ASB15: variants seen among roughly 807,000 people sequenced by gnomAD.
ASB15 encodes the protein ankyrin repeat and SOCS box protein 15.
Under a neutral mutation model 58.0 loss-of-function variants are expected in ASB15, and 54 were observed. That is an observed-to-expected ratio of 0.93 (90% CI 0.75 to 1.17). The LOEUF (loss-of-function observed/expected upper bound fraction) is 1.17, where lower values mean the gene tolerates loss of function less well. ASB15 is among the 50% of genes most tolerant of loss of function. The pLI is 0.00. For synonymous variants in ASB15, 249 were observed against 262.4 expected (o/e 0.95, Z 0.50); for missense variants, 680 against 707.4 (o/e 0.96, Z 0.44).
chr7:123,631,486 G>A (rs1223083019), intron 11 of ASB15, among the ~76,000 whole-genome samples: 1 of 152,102 alleles, frequency 6.6e-6, no homozygotes, highest in Non-Finnish European at 1.5e-5. Context: ...AAAAAGCTAA[G>A]CCTAAGGGAA....
rs185762070 is a variant in ASB15 at position 123,620,687 on chromosome 7, C to T, written c.451+2950C>T. 5.5e-3 allele frequency among the ~76,000 whole-genome samples: 798 copies of T among 144,728 alleles called. 9 individuals carry two copies. Among genetic ancestry groups the T allele is most frequent in the African/African-American group, 0.019 (760 of 39,052 alleles). 94.9% of individuals were successfully genotyped at this position (144,728 alleles called of 152,430 possible). The stretch of plus-strand genomic sequence containing the variant: ...ACACCATTCTCCTGCCTCAGCCTCC[C>T]GAGTAGCTGGGACTACAGGCGCCCA... On this transcript the variant is annotated intron_variant, in intron 7 of 11. Transcript: ENST00000451215.
chr7:123,634,189 C>T (rs937669795), intron 11 of ASB15, among the ~76,000 whole-genome samples: 3 of 152,158 alleles, frequency 2.0e-5, no homozygotes, highest in African/African-American at 7.2e-5. Flanking sequence ...TCCTGATGCT[C>T]AGACTCCCCC....
intron 11 of ASB15, among the ~76,000 whole-genome samples, chr7:123,632,085 A>G (rs1802151956): frequency 6.6e-6 from 1 of 151,302 alleles, no homozygotes; most frequent in Non-Finnish European, 1.5e-5. Context: ...CTCAAAAATA[A>G]TAATAATAAT....
In ASB15 at chr7:123,604,168, A is replaced by G; in HGVS notation, c.-108A>G. ...AACAGGGCTCCTGTGTTGCAGAGGAACACTACTTTCTCAGTGTAGCTCTGA... is the reference window on the plus strand; with the variant it reads ...AACAGGGCTCCTGTGTTGCAGAGGAGCACTACTTTCTCAGTGTAGCTCTGA... On this transcript the variant is annotated 5_prime_UTR_variant, in exon 2 of 12. Coordinates refer to ENST00000451215, the MANE Select transcript of ASB15 (RefSeq NM_001290258.2). 1 of 152,214 alleles carries G rather than the reference A, an allele frequency of 6.6e-6. No homozygotes were observed. The highest frequency in any genetic ancestry group is 2.1e-4 in the South Asian group (1 of 4,822). 9.4% of individuals were successfully genotyped at this position (152,214 alleles called of 1,614,324 possible).
At chr7:123,628,743 GTTA>G (rs1801956316) in intron 9 of ASB15, 118 bp from the exon 10 acceptor site, 2 of 637,534 alleles carry the variant, frequency 3.1e-6, no homozygotes, top group Non-Finnish European at 5.0e-6. Flanking sequence ...TCAGTATAAA[GTTA>G]TCTAGAGAAA....
At chr7:123,623,890 G>GA (rs1801512798) in intron 7 of ASB15, among the ~76,000 whole-genome samples, 6 of 27,498 alleles carry the variant, frequency 2.2e-4, no homozygotes, top group African/African-American at 5.3e-4. Context: ...AAGAAAAGAA[G>GA]AAAGAAAGAA....
intron 7 of ASB15, among the ~76,000 whole-genome samples, chr7:123,624,363 G>T (rs1261453635): frequency 1.3e-5 from 2 of 152,090 alleles, no homozygotes; most frequent in Non-Finnish European, 1.5e-5. Flanking sequence ...TTAAAGAAAA[G>T]GTAGTGTCAT....
rs373123954 is a variant in ASB15, at chr7:123,636,959, G to C, written c.1745G>C (p.Gly582Ala). The C allele has an allele frequency of 3.2e-6, 5 of 1,548,516 alleles. No individual in the cohort carries two copies. The highest frequency in any genetic ancestry group is 3.5e-6 in the Non-Finnish European group (4 of 1,133,742). The change falls in exon 12 of 12, where the codon GGA (glycine) becomes GCA (alanine). Residue 582 changes from glycine to alanine, a missense_variant. Gly to Ala is a moderately conservative substitution (Grantham distance 60). Transcript: ENST00000451215. ...YILFKEYDLY[G>A]QELKLT ...TTATTTAAAGAGTATGATCTCTATG[G>C]ACAAGAGCTAAAATTGACATAACTT...
chr7:123,578,023 C>T (rs1799112357), intron 1 of ASB15, among the ~76,000 whole-genome samples: 1 of 151,562 alleles, frequency 6.6e-6, no homozygotes, highest in African/African-American at 2.4e-5. Flanking sequence ...AGTATTTCTC[C>T]TAATGTTATC....
chr7:123,589,475 C>T (rs1799471121), intron 1 of ASB15, among the ~76,000 whole-genome samples: 1 of 151,986 alleles, frequency 6.6e-6, no homozygotes, highest in Non-Finnish European at 1.5e-5. Flanking sequence ...CCTCCAGCCC[C>T]CCACCTCTCA....
rs558776818 is a variant in ASB15, at chr7:123,637,055, T to C, written c.*74T>C. 5.6e-5 allele frequency: 58 copies of C among 1,036,316 alleles called. No individual in the cohort carries two copies. The East Asian group carries it at 1.4e-3, about 26-fold the overall frequency. The allele number at this position is 1,036,316 out of a possible 1,614,324, so 64.2% of individuals were successfully genotyped here. A position where few individuals can be genotyped will look rare whatever the true frequency, so the allele number is the denominator to read the frequency against. On this transcript the variant is annotated 3_prime_UTR_variant, in exon 12 of 12. Transcript: ENST00000451215. ...CTCAGATAATTTCTTGTAACCATTT[T>C]ACATCCTTAATTGTAAAGTGTATTT...
intron 1 of ASB15, among the ~76,000 whole-genome samples, chr7:123,577,059 C>G (rs1050469467): frequency 1.3e-5 from 2 of 152,126 alleles, no homozygotes; most frequent in Non-Finnish European, 2.9e-5. Flanking sequence ...TCATGTAAGA[C>G]AACATTTGTA....
chr7:123,618,231 G>A (rs761331236), intron 7 of ASB15, among the ~76,000 whole-genome samples: 1 of 152,200 alleles, frequency 6.6e-6, no homozygotes, highest in Non-Finnish European at 1.5e-5. Flanking sequence ...AGGGAAGAAT[G>A]GGAAATCTGA....
At chr7:123,623,990 AG>A (rs1244767963) in intron 7 of ASB15, among the ~76,000 whole-genome samples, 16 of 145,932 alleles carry the variant, frequency 1.1e-4, no homozygotes, top group African/African-American at 3.5e-4. Flanking sequence ...AAAGAAAGAA[AG>A]AAAGAGAAAG....
chr7:123,614,535 T>A lies in ASB15; in HGVS notation c.33T>A (p.His11Gln). 6.2e-7 allele frequency: 1 copy of A among 1,609,600 alleles called. No homozygotes were observed. Among genetic ancestry groups the A allele is most frequent in the Non-Finnish European group, 8.5e-7 (1 of 1,176,230 alleles). The change falls in exon 4 of 12, where the codon CAT becomes CAA. Residue 11 changes from histidine (H) to glutamine (Q), a missense_variant. Physicochemically the swap from His to Gln is conservative, Grantham distance 24 (BLOSUM62 0). Transcript: ENST00000451215. ...CTAATGATGACCCTGATGAAGACCA[T>A]CTTACAAGTTATGATATTCAGCTAA... MDTNDDPDED[H>Q]LTSYDIQLSI... is the part of the protein sequence containing the mutation.
chr7:123,603,289 A>G (rs77459605), intron 1 of ASB15, among the ~76,000 whole-genome samples: 2,561 of 152,260 alleles, frequency 0.017, 73 homozygotes, highest in African/African-American at 0.058. Flanking sequence ...TTTTGCATGG[A>G]CAAATAGGAT....
intron 11 of ASB15, among the ~76,000 whole-genome samples, chr7:123,633,638 C>T (rs750390781): frequency 5.9e-5 from 9 of 152,190 alleles, no homozygotes; most frequent in East Asian, 1.9e-4. Flanking sequence ...TGTGTGCACG[C>T]GCGCGCACGT....
At chr7:123,605,954 T>C (rs1800128993) in intron 2 of ASB15, among the ~76,000 whole-genome samples, 3 of 152,078 alleles carry the variant, frequency 2.0e-5, no homozygotes, top group African/African-American at 7.2e-5. Context: ...AATATACAAT[T>C]TACCTATATA....
At chr7:123,570,695 A>C (rs1247682697) in intron 1 of ASB15, among the ~76,000 whole-genome samples, 1 of 148,584 alleles carries the variant, frequency 6.7e-6, no homozygotes, top group Admixed American at 6.8e-5. Flanking sequence ...TAGTTCTGCA[A>C]GGAACCACTG....
Sources: allele counts gnomAD v4.1 joint callset (sites outside exome capture counted in the v4.1 genomes callset), GRCh38; gene constraint gnomAD v4.1.1; transcripts MANE v1.5; gene names NCBI Gene and HGNC (gene_info 2026-07-23, HGNC 2026-07-21).